Variants in RCC1L observed in about 807,000 individuals in gnomAD.
The protein encoded by RCC1L is RCC1-like G exchanging factor-like protein.
RCC1L carries 46 observed loss-of-function variants against 58.6 expected under a neutral mutation model. The ratio of observed to expected loss-of-function variants is 0.79; its 90% CI spans 0.62 to 1.00. The LOEUF is 1.00. Among genes scored for constraint, RCC1L ranks in the 50% least tolerant of loss-of-function variants. The probability of loss-of-function intolerance (pLI) is 0.00; values close to 1 mark genes in which losing one functional copy is unlikely to be tolerated. For synonymous variants in RCC1L, 281 were observed against 262.9 expected, an observed-to-expected ratio of 1.07 and a Z score of -0.67; for missense variants, 636 against 623.6, an observed-to-expected ratio of 1.02 and a Z score of -0.21.
downstream of RCC1L, among the ~76,000 whole-genome samples, chr7:75,037,666 A>C (rs1805458416): frequency 6.6e-6 from 1 of 151,876 alleles, no homozygotes; most frequent in South Asian, 2.1e-4. Context: ...CATCACACCC[A>C]GCTAATTTTT....
chr7:75,063,209 A>G, intron 5 of RCC1L, 83 bp downstream of exon 5: 1 of 1,441,046 alleles, frequency 6.9e-7, no homozygotes, highest in South Asian at 1.1e-5. Context: ...CCCCTAACAA[A>G]TTTGCCATCA....
intron 3 of RCC1L, 156 bp from the exon 4 acceptor site, chr7:75,064,804 C>A: frequency 2.5e-6 from 2 of 793,994 alleles, no homozygotes; most frequent in Non-Finnish European, 4.4e-6. Context: ...TCAGGCTCTG[C>A]AGAAACTCAC....
chr7:75,067,783 T>G (rs1026493858), intron 2 of RCC1L, among the ~76,000 whole-genome samples: 2 of 151,958 alleles, frequency 1.3e-5, no homozygotes, highest in African/African-American at 4.8e-5. Context: ...AGGTTAAGGC[T>G]GCAGTGAGCA....
intron 10 of RCC1L, among the ~76,000 whole-genome samples, chr7:75,032,055 G>A (rs1038959638): frequency 2.6e-5 from 4 of 152,220 alleles, no homozygotes; most frequent in African/African-American, 9.6e-5. Flanking sequence ...ACACGCCGTT[G>A]CCTCTACCAT....
At chr7:75,065,779 A>G (rs2132006307) in intron 3 of RCC1L, among the ~76,000 whole-genome samples, 1 of 152,234 alleles carries the variant, frequency 6.6e-6, no homozygotes, top group African/African-American at 2.4e-5. Context: ...GCACTTTGGG[A>G]GACCGAGGTG....
rs974034448 is a variant in RCC1L at position 75,045,786 on chromosome 7, T to G, written c.1318-2677A>C. Among the ~76,000 whole-genome samples, 6 of 152,356 alleles carry G rather than the reference T, an allele frequency of 3.9e-5. No homozygotes were observed. The East Asian group carries it at 7.7e-4, about 20-fold the overall frequency. ...GCCTTGGCCTCCCAAAGCGCTGGGATTACAGGCGTGAGCCGCTGCACCTGG... is the reference window on the plus strand; with the variant it reads ...GCCTTGGCCTCCCAAAGCGCTGGGAGTACAGGCGTGAGCCGCTGCACCTGG... On this transcript the variant is annotated intron_variant, in intron 10 of 10. Transcript: ENST00000610322.
intron 1 of RCC1L, among the ~76,000 whole-genome samples, chr7:75,072,127 G>A (rs1184178487): frequency 1.9e-5 from 2 of 103,908 alleles, no homozygotes; most frequent in African/African-American, 3.2e-5. Context: ...ACTCTATTTT[G>A]TATTTTAAAT....
At chr7:75,051,355 C>CACACACATATATATATACACACAT (rs1805908855) in intron 10 of RCC1L, among the ~76,000 whole-genome samples, 1 of 149,492 alleles carries the variant, frequency 6.7e-6, no homozygotes, top group African/African-American at 2.5e-5. Context: ...TACACACACA[C>CACACACATATATATATACACACAT]ATATATATAC....
chr7:75,030,554 A>G (rs1805274417), intron 10 of RCC1L, among the ~76,000 whole-genome samples: 1 of 152,100 alleles, frequency 6.6e-6, no homozygotes, highest in African/African-American at 2.4e-5. Flanking sequence ...CTGAAATCTT[A>G]GCTAAGGATT....
rs1044258818 is a variant in RCC1L, at chr7:75,057,530, G to A, written c.1056C>T (p.Asn352=). ...ACGGTGCAVL[N]GEGHVFVWGY... Reference sequence around the variant, plus strand: ...GAGCCACCGGAAAGAAGGTCTCACCGTTTAACACTGCACAGCCCGTGCCAC... The same window carrying A: ...GAGCCACCGGAAAGAAGGTCTCACCATTTAACACTGCACAGCCCGTGCCAC... The change falls in exon 8 of 11, where the codon AAC becomes AAT. Residue 352 remains asparagine, a splice_region_variant and synonymous_variant. Coordinates refer to ENST00000610322, the MANE Select transcript of RCC1L (RefSeq NM_030798.5). 1.8e-5 allele frequency: 29 copies of A among 1,613,726 alleles called. No homozygotes were observed. The highest frequency in any genetic ancestry group is 1.1e-4 in the African/African-American group (8 of 74,880).
chr7:75,063,115 T>G (rs1806327761), intron 5 of RCC1L, among the ~76,000 whole-genome samples, 177 bp downstream of exon 5: 1 of 152,122 alleles, frequency 6.6e-6, no homozygotes, highest in African/African-American at 2.4e-5. Flanking sequence ...CTTATTAAAC[T>G]TTGTATCCCT....
intron 9 of RCC1L, among the ~76,000 whole-genome samples, chr7:75,054,944 G>C (rs1372320366): frequency 1.3e-5 from 2 of 152,150 alleles, no homozygotes; most frequent in Non-Finnish European, 2.9e-5. Flanking sequence ...AACAACCCAG[G>C]CCTGCCTGTT....
downstream of RCC1L, among the ~76,000 whole-genome samples, chr7:75,040,640 A>G (rs973948906): frequency 1.3e-5 from 2 of 152,088 alleles, no homozygotes; most frequent in African/African-American, 4.8e-5. Flanking sequence ...CTCTAGATCA[A>G]TACGTGAGTT....
chr7:75,059,214 GAA>G (rs1491361261), intron 6 of RCC1L, among the ~76,000 whole-genome samples: 1 of 140,896 alleles, frequency 7.1e-6, no homozygotes, highest in African/African-American at 2.6e-5. Flanking sequence ...GAAAAAAAAA[GAA>G]AAGAAAGAAA....
chr7:75,067,341 G>T (rs1031074190), intron 2 of RCC1L, among the ~76,000 whole-genome samples: 1 of 147,920 alleles, frequency 6.8e-6, no homozygotes, highest in African/African-American at 2.5e-5. Flanking sequence ...TCTTATTAAA[G>T]AAATCTTGGC....
In RCC1L at chr7:75,052,813, A is replaced by G. The variant is rs782642493; in HGVS notation, c.1232-17T>C. The G allele has an allele frequency of 2.5e-5, 41 of 1,609,192 alleles. No homozygotes were observed. The South Asian group carries it at 4.6e-4, about 18-fold the overall frequency. On this transcript the variant is annotated splice_polypyrimidine_tract_variant and intron_variant, in intron 9 of 10. Transcript: ENST00000610322. ...CTCCTTTGTCTGCAAAGGGAGGAAAACAGGGGTTGGTTGGGACTGTGTGAA... is the reference window on the plus strand; with the variant it reads ...CTCCTTTGTCTGCAAAGGGAGGAAAGCAGGGGTTGGTTGGGACTGTGTGAA...
chr7:75,042,431 G>A lies in RCC1L; in HGVS notation c.*601C>T. The A allele has an allele frequency of 1.0e-6, 1 of 986,344 alleles. No individual in the cohort carries two copies. The highest frequency in any genetic ancestry group is 1.2e-6 in the Non-Finnish European group (1 of 830,578). The allele number at this position is 986,344 out of a possible 1,614,324, so 61.1% of individuals were successfully genotyped here. On this transcript the variant is annotated 3_prime_UTR_variant, in exon 11 of 11. Transcript: ENST00000610322. ...CCAAGCCAGGCAGTGAGCGTGGTGG[G>A]AGGCTGGGGCTGGTGCCTGCGGACA...
At chr7:75,045,053 T>A (rs1486797358) in intron 10 of RCC1L, among the ~76,000 whole-genome samples, 1 of 152,192 alleles carries the variant, frequency 6.6e-6, no homozygotes, top group Non-Finnish European at 1.5e-5. Flanking sequence ...TCTCACTTTG[T>A]TGCCCAGGCT....
At chr7:75,056,843 G>C in intron 8 of RCC1L, 4 of 1,018,144 alleles carry the variant, frequency 3.9e-6, no homozygotes, top group Non-Finnish European at 5.9e-6. Flanking sequence ...TTTTGAAACA[G>C]GGTCTCACCG....
Sources: allele counts gnomAD v4.1 joint callset (sites outside exome capture counted in the v4.1 genomes callset), GRCh38; gene constraint gnomAD v4.1.1; transcripts MANE v1.5; gene names NCBI Gene and HGNC (gene_info 2026-07-23, HGNC 2026-07-21).